The following RANBP17 variants were observed in gnomAD, a reference collection of about 807,000 sequenced individuals.
RANBP17 encodes ran-binding protein 17.
A neutral mutation model predicts 141.2 loss-of-function variants in RANBP17; 158 were observed. That is an observed-to-expected ratio of 1.12 (90% CI 0.98 to 1.28). The LOEUF (loss-of-function observed/expected upper bound fraction) is 1.28. RANBP17 is among the 50% of genes most tolerant of loss of function. The pLI, the probability that RANBP17 is intolerant of heterozygous loss-of-function variation, is 0.00. For synonymous variants in RANBP17, 430 were observed against 450.0 expected, an observed-to-expected ratio of 0.96 and a Z score of 0.56; for missense variants, 1,438 against 1,290.7, an observed-to-expected ratio of 1.11 and a Z score of -1.75.
At chr5:171,191,866 G>A (rs1467277929) in intron 18 of RANBP17, among the ~76,000 whole-genome samples, 1 of 151,910 alleles carries the variant, frequency 6.6e-6, no homozygotes, top group Non-Finnish European at 1.5e-5. Flanking sequence ...ATTTTTATTT[G>A]AACTATTTGG....
chr5:170,951,485 T>C (rs998233039), intron 12 of RANBP17, among the ~76,000 whole-genome samples: 1 of 152,058 alleles, frequency 6.6e-6, no homozygotes, highest in South Asian at 2.1e-4. Context: ...TGAAAGGAGA[T>C]AGTCACAACA....
At chr5:170,925,928 T>G (rs980094205) in intron 12 of RANBP17, among the ~76,000 whole-genome samples, 1 of 152,198 alleles carries the variant, frequency 6.6e-6, no homozygotes, top group Admixed American at 6.5e-5. Flanking sequence ...GTACCTCAGT[T>G]TATTTGTGCA....
chr5:170,909,600 GT>G, intron 5 of RANBP17, 60 bp from the exon 6 acceptor site: 1 of 192,744 alleles, frequency 5.2e-6, no homozygotes, highest in Non-Finnish European at 8.9e-6. Context: ...TTTTTTTTTA[GT>G]AAATTTTGGT....
At chr5:170,998,252 G>A (rs1046979838) in intron 14 of RANBP17, among the ~76,000 whole-genome samples, 11 of 152,116 alleles carry the variant, frequency 7.2e-5, no homozygotes, top group African/African-American at 2.7e-4. Context: ...TTATTGTTAT[G>A]TGTGTAGATT....
intron 18 of RANBP17, among the ~76,000 whole-genome samples, chr5:171,194,284 T>C (rs1761832132): frequency 6.6e-6 from 1 of 152,220 alleles, no homozygotes; most frequent in Non-Finnish European, 1.5e-5. Flanking sequence ...TTCATAAAAT[T>C]GTGCAGCCAT....
chr5:171,118,945 G>A (rs552726396), intron 14 of RANBP17, among the ~76,000 whole-genome samples: 106 of 152,066 alleles, frequency 7.0e-4, no homozygotes, highest in Admixed American at 1.1e-3. Flanking sequence ...CTCTGGATAC[G>A]ACTTCAGTGC....
intron 16 of RANBP17, among the ~76,000 whole-genome samples, chr5:171,181,887 C>CA (rs1055172370): frequency 7.2e-5 from 11 of 152,222 alleles, no homozygotes; most frequent in Non-Finnish European, 1.5e-5. Flanking sequence ...ATCCTCAAAA[C>CA]AATCCTGTAA....
intron 14 of RANBP17, among the ~76,000 whole-genome samples, chr5:171,133,587 A>G (rs1757076846): frequency 6.6e-6 from 1 of 152,234 alleles, no homozygotes; most frequent in Non-Finnish European, 1.5e-5. Flanking sequence ...TGTTTTTAGG[A>G]AATTACATTT....
chr5:170,939,392 TTTATTTATTTAA>T (rs200320088), intron 12 of RANBP17, among the ~76,000 whole-genome samples: 79 of 149,410 alleles, frequency 5.3e-4, no homozygotes, highest in African/African-American at 1.8e-3. Flanking sequence ...TATTTATTTA[TTTATTTATTTAA>T]GATGCAGTCT....
chr5:171,036,435 C>A (rs1369851832), intron 14 of RANBP17, among the ~76,000 whole-genome samples: 4 of 151,914 alleles, frequency 2.6e-5, no homozygotes, highest in Non-Finnish European at 5.9e-5. Context: ...TTACAATTTT[C>A]TATCTTTTTC....
At chr5:171,249,457 A>G (rs1053193045) in intron 24 of RANBP17, among the ~76,000 whole-genome samples, 1 of 152,234 alleles carries the variant, frequency 6.6e-6, no homozygotes, top group African/African-American at 2.4e-5. Flanking sequence ...AATCCCAGAT[A>G]AAGAATTCAA....
At chr5:171,143,693 G>A (rs1392578307) in intron 14 of RANBP17, among the ~76,000 whole-genome samples, 1 of 152,166 alleles carries the variant, frequency 6.6e-6, no homozygotes, top group East Asian at 1.9e-4. Flanking sequence ...GCTCACAGAT[G>A]AGTGGAAGAG....
At chr5:171,207,727 T>G (rs1762658490) in intron 20 of RANBP17, 1 of 152,184 alleles carries the variant, frequency 6.6e-6, no homozygotes, top group African/African-American at 2.4e-5. Flanking sequence ...TTTTCATAAT[T>G]GTATTGACAA....
chr5:170,974,240 A>G (rs1418606867), intron 14 of RANBP17, among the ~76,000 whole-genome samples: 1 of 152,218 alleles, frequency 6.6e-6, no homozygotes, highest in East Asian at 1.9e-4. Context: ...TAAATCAGAT[A>G]ACATCATATG....
At chr5:171,123,170 G>A (rs961965679) in intron 14 of RANBP17, among the ~76,000 whole-genome samples, 3 of 152,092 alleles carry the variant, frequency 2.0e-5, no homozygotes, top group African/African-American at 2.4e-5. Context: ...TGCCTTCAGA[G>A]GCCCTGGAGA....
intron 25 of RANBP17, among the ~76,000 whole-genome samples, chr5:171,280,142 T>C (rs1767765606): frequency 6.6e-6 from 1 of 152,224 alleles, no homozygotes; most frequent in Non-Finnish European, 1.5e-5. Context: ...TTACTGGTTT[T>C]TCACATACTT....
In RANBP17 at chr5:171,205,572, C is replaced by T; in HGVS notation, c.2191C>T (p.Leu731=). The change falls in exon 20 of 28, where the codon CTG becomes TTG. Residue 731 remains leucine, a synonymous_variant. Transcript: ENST00000523189. Reference sequence around the variant, plus strand: ...AGATCTTCGAGGGATTGCCTTTGCACTGAACACAAAGACCAGCTACACCAT... The same window carrying T: ...AGATCTTCGAGGGATTGCCTTTGCATTGAACACAAAGACCAGCTACACCAT... ...ARDLRGIAFA[L]NTKTSYTMLF... The T allele has an allele frequency of 6.2e-7, 1 of 1,613,992 alleles. No individual in the cohort carries two copies. Among genetic ancestry groups the T allele is most frequent in the Non-Finnish European group, 8.5e-7 (1 of 1,179,908 alleles).
intron 16 of RANBP17, among the ~76,000 whole-genome samples, chr5:171,181,320 C>T (rs1003125512): frequency 1.3e-5 from 2 of 151,990 alleles, no homozygotes; most frequent in African/African-American, 4.8e-5. Flanking sequence ...CGTGGTGGCC[C>T]ATGATTGTAG....
In RANBP17 at chr5:171,295,968, C is replaced by A. The variant is rs761337611; in HGVS notation, c.3124C>A (p.Leu1042Ile). The A allele has an allele frequency of 6.2e-7, 1 of 1,613,910 alleles. No individual in the cohort carries two copies. Among genetic ancestry groups the A allele is most frequent in the Non-Finnish European group, 8.5e-7 (1 of 1,179,868 alleles). ...GGTCCTTGCCCAGTGCTTCAGAAAC[C>A]TAATGGAAGGAGTGGAGCAGAACCT... ...QEVLAQCFRN[L>I]MEGVEQNLSV... Residue 1042 changes from leucine to isoleucine, a missense_variant, in exon 27 of 28, where the codon CTA becomes ATA. Leu to Ile is a conservative substitution (Grantham distance 5). Transcript: ENST00000523189.
Sources: allele counts gnomAD v4.1 joint callset (sites outside exome capture counted in the v4.1 genomes callset), GRCh38; gene constraint gnomAD v4.1.1; transcripts MANE v1.5; gene names NCBI Gene and HGNC (gene_info 2026-07-23, HGNC 2026-07-21).